The following ANK2 variants were observed in gnomAD, a reference collection of about 807,000 sequenced individuals.
The protein encoded by ANK2 is ankyrin 2, also known as ankyrin-2.
A neutral mutation model predicts 360.5 loss-of-function variants in ANK2; 83 were observed. The ratio of observed to expected loss-of-function variants is 0.23; its 90% CI spans 0.19 to 0.28. The LOEUF (loss-of-function observed/expected upper bound fraction) is 0.28, where lower values mean the gene tolerates loss of function less well. ANK2 is among the 10% of genes least tolerant of loss of function. ANK2 has a pLI of 1.00. For missense variants in ANK2, 4,201 were observed against 4,795.7 expected (o/e 0.88, Z 3.66); for synonymous variants, 1,740 against 1,759.5 (o/e 0.99, Z 0.28).
At chr4:113,266,572 A>C (rs1341337027) in intron 14 of ANK2, among the ~76,000 whole-genome samples, 2 of 152,186 alleles carry the variant, frequency 1.3e-5, no homozygotes, top group African/African-American at 4.8e-5. Context: ...ACTCCCACTA[A>C]CAGTGTAAAA....
the ANK2 span, among the ~76,000 whole-genome samples, chr4:112,812,074 C>CA: frequency 0.14 from 10,958 of 78,720 alleles, 863 homozygotes; most frequent in East Asian, 0.43. Context: ...GACTCCGTCT[C>CA]AAAAAAAAAA....
At chr4:113,370,290 G>A (rs1430424071) in intron 43 of ANK2, among the ~76,000 whole-genome samples, 4 of 148,576 alleles carry the variant, frequency 2.7e-5, no homozygotes, top group Admixed American at 6.6e-5. Context: ...GAGGCAAGAT[G>A]ATTTCCAAGT....
intron 1 of ANK2, among the ~76,000 whole-genome samples, chr4:113,136,231 A>T (rs1272194852): frequency 6.6e-6 from 1 of 152,194 alleles, no homozygotes; most frequent in Non-Finnish European, 1.5e-5. Context: ...ACAGGGTAAC[A>T]ATCATCCTGA....
At chr4:113,029,876 A>T (rs1322603619) in intron 2 of ANK2, among the ~76,000 whole-genome samples, 2 of 152,160 alleles carry the variant, frequency 1.3e-5, no homozygotes, top group African/African-American at 4.8e-5. Flanking sequence ...GAGAAACAAT[A>T]AAACATGAAT....
the ANK2 span, among the ~76,000 whole-genome samples, chr4:112,706,171 C>G: frequency 6.6e-6 from 1 of 151,668 alleles, no homozygotes; most frequent in African/African-American, 2.4e-5. Flanking sequence ...TCCCCGGCCC[C>G]GGAAGGCGGG....
chr4:113,101,951 A>G (rs2092917301), intron 1 of ANK2, among the ~76,000 whole-genome samples: 3 of 152,194 alleles, frequency 2.0e-5, no homozygotes, highest in Admixed American at 1.3e-4. Flanking sequence ...GACTGAAAGA[A>G]GGCCAGTGTC....
chr4:112,786,462 A>G, the ANK2 span, among the ~76,000 whole-genome samples: 1 of 143,210 alleles, frequency 7.0e-6, no homozygotes, highest in African/African-American at 2.6e-5. Flanking sequence ...CAGTAGCGTG[A>G]TCTCGGCTCA....
Position 112,826,415 on chromosome 4 carries a change from C to A in ANK2, c.-40+8151C>A, listed in dbSNP as rs554111844. On this transcript the variant is annotated intron_variant, in intron 1 of 30. Coordinates refer to the ANK2 transcript ENST00000503271. Reference sequence around the variant, plus strand: ...TCCCTGGAACAGAAGTAACACTTTCCCTACCAGCAGTAACTTTTGAAGAAT... The same window carrying A: ...TCCCTGGAACAGAAGTAACACTTTCACTACCAGCAGTAACTTTTGAAGAAT... The A allele has an allele frequency of 5.9e-5, 61 of 1,031,566 alleles. No individual in the cohort carries two copies. In the African/African-American group the frequency reaches 9.5e-4, roughly 16 times the overall value. 63.9% of individuals were successfully genotyped at this position (1,031,566 alleles called of 1,614,324 possible).
chr4:112,967,262 G>A (rs931268925), intron 2 of ANK2, among the ~76,000 whole-genome samples: 2 of 152,166 alleles, frequency 1.3e-5, no homozygotes, highest in African/African-American at 2.4e-5. Flanking sequence ...TAGCTCTTGT[G>A]CCTTCCTGGG....
At chr4:113,098,396 G>A (rs2092084987) in intron 1 of ANK2, among the ~76,000 whole-genome samples, 1 of 151,890 alleles carries the variant, frequency 6.6e-6, no homozygotes, top group African/African-American at 2.4e-5. Context: ...TGATTCCATG[G>A]ATATTAAAAG....
chr4:113,278,414 C>G (rs758899740), intron 16 of ANK2, 46 bp from the exon 17 acceptor site: 3 of 1,561,244 alleles, frequency 1.9e-6, no homozygotes, highest in Non-Finnish European at 2.6e-6. Flanking sequence ...TTCAGGGCAG[C>G]TAACCCTAAT....
chr4:112,806,390 C>T, the ANK2 span, among the ~76,000 whole-genome samples: 1 of 152,172 alleles, frequency 6.6e-6, no homozygotes, highest in Non-Finnish European at 1.5e-5. Context: ...TTTCATTCTT[C>T]TTATGCTGGA....
In ANK2 at chr4:113,353,719, A is replaced by G. The variant is rs1428974211; in HGVS notation, c.5101A>G (p.Lys1701Glu). The G allele has an allele frequency of 1.2e-6, 2 of 1,613,774 alleles. No individual in the cohort carries two copies. The highest frequency in any genetic ancestry group is 1.3e-5 in the African/African-American group (1 of 74,858). ...QKQHKPSLGI[K>E]KPVRRKLKEK... is the part of the protein sequence containing the mutation. ...ACAGCACAAACCAAGCTTGGGAATA[A>G]AGAAGCCAGTAAGAAGGAAATTAAA... The change falls in exon 38 of 46, where the codon AAG (lysine) becomes GAG (glutamate). Residue 1701 changes from lysine to glutamate, a missense_variant. Coordinates refer to ENST00000357077, the MANE Select transcript of ANK2 (RefSeq NM_001148.6).
the ANK2 span, among the ~76,000 whole-genome samples, chr4:112,732,908 C>T: frequency 3.1e-4 from 47 of 151,710 alleles, no homozygotes; most frequent in East Asian, 8.3e-3. Context: ...GGTGAAACCC[C>T]GTCTCTACTA....
At chr4:113,110,252 T>G (rs2094145891) in intron 1 of ANK2, among the ~76,000 whole-genome samples, 1 of 152,114 alleles carries the variant, frequency 6.6e-6, no homozygotes, top group Non-Finnish European at 1.5e-5. Flanking sequence ...CATGGGATCT[T>G]GTGAGTCTTA....
chr4:112,771,380 A>G, the ANK2 span, among the ~76,000 whole-genome samples: 1 of 151,910 alleles, frequency 6.6e-6, no homozygotes, highest in Non-Finnish European at 1.5e-5. Flanking sequence ...AGCCTCCTAA[A>G]GTGCTGGGAT....
intron 1 of ANK2, among the ~76,000 whole-genome samples, chr4:112,890,177 C>T (rs1473115087): frequency 3.3e-5 from 5 of 152,100 alleles, no homozygotes; most frequent in South Asian, 2.1e-4. Flanking sequence ...TGAGGAGGTA[C>T]GAACATAACA....
At chr4:112,883,859 C>CAT (rs956864359) in intron 1 of ANK2, among the ~76,000 whole-genome samples, 4 of 147,622 alleles carry the variant, frequency 2.7e-5, no homozygotes, top group South Asian at 2.1e-4. Context: ...ATCATTCATT[C>CAT]ATATATATAT....
At chr4:113,366,108 C>A (rs549235006) in intron 41 of ANK2, among the ~76,000 whole-genome samples, 71 of 152,234 alleles carry the variant, frequency 4.7e-4, no homozygotes, top group African/African-American at 1.5e-3. Flanking sequence ...CCCTATATGT[C>A]CCCCCTGTAT....
Sources: gnomAD v4.1 joint callset for allele counts (sites outside exome capture counted in the v4.1 genomes callset) on GRCh38, gnomAD v4.1.1 for gene constraint, MANE v1.5 for transcripts, NCBI Gene and HGNC (gene_info 2026-07-23, HGNC 2026-07-21) for gene names.